Variants in GUCY1A2 observed in about 807,000 individuals in gnomAD.
GUCY1A2 encodes guanylate cyclase soluble subunit alpha-2.
In GUCY1A2, 27 loss-of-function variants were observed where a neutral mutation model predicts 63.5. The observed-to-expected ratio is 0.43, with a 90% CI of 0.31 to 0.59. The LOEUF (loss-of-function observed/expected upper bound fraction) is 0.59, where lower values mean the gene tolerates loss of function less well. Ranked by LOEUF, GUCY1A2 falls within the 20% of genes least tolerant of loss-of-function variation. The pLI, the probability that GUCY1A2 is intolerant of heterozygous loss-of-function variation, is 0.11. For missense variants in GUCY1A2, 768 were observed against 913.3 expected (o/e 0.84, Z 2.05); for synonymous variants, 364 against 343.5 (o/e 1.06, Z -0.66).
intron 6 of GUCY1A2, among the ~76,000 whole-genome samples, chr11:106,769,613 G>A (rs1170943360): frequency 7.2e-5 from 11 of 151,926 alleles, no homozygotes; most frequent in Admixed American, 2.6e-4. Context: ...TAAATCTATC[G>A]GAAAATATAT....
intron 5 of GUCY1A2, among the ~76,000 whole-genome samples, chr11:106,781,128 A>G (rs970985034): frequency 5.4e-5 from 8 of 148,316 alleles, no homozygotes; most frequent in South Asian, 4.5e-4. Context: ...AAAAAAAAAA[A>G]AAAAAGAAAA....
Position 106,760,461 on chromosome 11 carries a change from A to C in GUCY1A2, c.1836+15978T>G, listed in dbSNP as rs1864046846. 2.0e-5 allele frequency among the ~76,000 whole-genome samples: 3 copies of C among 152,318 alleles called. No homozygotes were observed. In the South Asian group the frequency reaches 6.2e-4, roughly 32 times the overall value. ...GGAATGATACATAAAACGATCGTTT[A>C]TGTGAGCATATATTTTTTATAACAG... On this transcript the variant is annotated intron_variant, in intron 6 of 7. Coordinates refer to ENST00000526355, the MANE Select transcript of GUCY1A2 (RefSeq NM_000855.3).
At chr11:106,713,529 C>T (rs1388104151) in intron 6 of GUCY1A2, among the ~76,000 whole-genome samples, 2 of 99,706 alleles carry the variant, frequency 2.0e-5, no homozygotes, top group African/African-American at 4.1e-5. Flanking sequence ...TTTTTTGAGA[C>T]GGAGTCTCGT....
At chr11:106,688,470 T>C (rs2135333595) in intron 7 of GUCY1A2, among the ~76,000 whole-genome samples, 1 of 152,328 alleles carries the variant, frequency 6.6e-6, no homozygotes, top group South Asian at 2.1e-4. Context: ...TCTAAAAGTG[T>C]GGCCCAACAA....
intron 7 of GUCY1A2, among the ~76,000 whole-genome samples, chr11:106,696,146 G>C (rs916771581): frequency 3.3e-5 from 5 of 152,072 alleles, no homozygotes; most frequent in Non-Finnish European, 5.9e-5. Flanking sequence ...TTACATTCTT[G>C]AATTTTAGGA....
intron 6 of GUCY1A2, among the ~76,000 whole-genome samples, chr11:106,709,401 T>A (rs1230593246): frequency 1.0e-5 from 1 of 98,286 alleles, no homozygotes; most frequent in African/African-American, 4.3e-5. Flanking sequence ...ATATAAATTA[T>A]ATATTATACT....
chr11:106,794,957 G>T (rs1864727856), intron 5 of GUCY1A2, among the ~76,000 whole-genome samples: 2 of 152,098 alleles, frequency 1.3e-5, no homozygotes, highest in Non-Finnish European at 2.9e-5. Flanking sequence ...TCCAGATGGA[G>T]TCAATTGCTG....
At chr11:106,890,854 G>A (rs1157206690) in intron 4 of GUCY1A2, among the ~76,000 whole-genome samples, 1 of 152,086 alleles carries the variant, frequency 6.6e-6, no homozygotes, top group African/African-American at 2.4e-5. Context: ...AATATAAATA[G>A]AGAACATTAT....
At chr11:107,015,590 A>C (rs1317015511) in intron 1 of GUCY1A2, among the ~76,000 whole-genome samples, 1 of 144,932 alleles carries the variant, frequency 6.9e-6, no homozygotes, top group Non-Finnish European at 1.5e-5. Context: ...AAAAAAAAAA[A>C]AAAAAAAACC....
intron 5 of GUCY1A2, among the ~76,000 whole-genome samples, chr11:106,800,011 CCA>C (rs1399001540): frequency 6.6e-6 from 1 of 152,120 alleles, no homozygotes; most frequent in East Asian, 1.9e-4. Flanking sequence ...GGGCTAATAT[CCA>C]GAATCTACAA....
chr11:106,708,643 G>A lies in GUCY1A2; in HGVS notation c.1860C>T (p.Gly620=), dbSNP rs1244585540. 5 of 1,607,232 alleles carry A rather than the reference G, an allele frequency of 3.1e-6. No homozygotes were observed. The highest frequency in any genetic ancestry group is 4.3e-6 in the Non-Finnish European group (5 of 1,176,140). The change falls in exon 7 of 8, where the codon GGC becomes GGT. Residue 620 remains glycine (G), a synonymous_variant. Transcript: ENST00000526355. ...CCCCAACAACTCCAGCCAGCACGGA[G>A]CCTGAGTGAATTCCTATCCTCATCT... ...PIQMRIGIHS[G]SVLAGVVGVR...
At chr11:106,859,616 AAAT>A (rs1260808225) in intron 4 of GUCY1A2, among the ~76,000 whole-genome samples, 2 of 152,052 alleles carry the variant, frequency 1.3e-5, no homozygotes, top group Admixed American at 1.3e-4. Flanking sequence ...ATTCTACAAA[AAAT>A]AATGACAATA....
chr11:106,841,835 T>A (rs1859202554), intron 4 of GUCY1A2, among the ~76,000 whole-genome samples: 1 of 151,936 alleles, frequency 6.6e-6, no homozygotes, highest in Non-Finnish European at 1.5e-5. Flanking sequence ...CAAGCACAAA[T>A]GAAACCTTTC....
chr11:106,977,990 A>G (rs1265894282), intron 3 of GUCY1A2, among the ~76,000 whole-genome samples: 1 of 152,236 alleles, frequency 6.6e-6, no homozygotes, highest in African/African-American at 2.4e-5. Flanking sequence ...AACGTCAGGT[A>G]GTATGGTAGT....
At chr11:106,909,719 T>A (rs773517186) in intron 4 of GUCY1A2, among the ~76,000 whole-genome samples, 3 of 152,008 alleles carry the variant, frequency 2.0e-5, no homozygotes, top group Non-Finnish European at 4.4e-5. Context: ...TAGTATTCCA[T>A]CTGGATGTAA....
intron 4 of GUCY1A2, among the ~76,000 whole-genome samples, chr11:106,851,375 T>G (rs1044034352): frequency 6.6e-6 from 1 of 151,936 alleles, no homozygotes; most frequent in Non-Finnish European, 1.5e-5. Context: ...TTTACCTATA[T>G]TTCTTTTTTG....
chr11:106,818,211 T>C lies in GUCY1A2; in HGVS notation c.1207-7733A>G, dbSNP rs138597184. ...TTGCATTGTTTTACAAATTGAAAGT[T>C]TGTGACAACCTTCTGTTGAACAAAT... On this transcript the variant is annotated intron_variant, in intron 4 of 7. Transcript: ENST00000526355. Among the ~76,000 whole-genome samples, 155 of 152,310 alleles carry C rather than the reference T, an allele frequency of 1.0e-3. 1 individual carries two copies. Among genetic ancestry groups the C allele is most frequent in the African/African-American group, 3.5e-3 (145 of 41,574 alleles).
chr11:106,823,980 T>C (rs971271600), intron 4 of GUCY1A2: 1 of 723,578 alleles, frequency 1.4e-6, no homozygotes, highest in Admixed American at 3.1e-5. Flanking sequence ...TTACTGCGCA[T>C]ATAGTTATTG....
At chr11:106,760,667 A>C (rs570031294) in intron 6 of GUCY1A2, among the ~76,000 whole-genome samples, 2 of 152,314 alleles carry the variant, frequency 1.3e-5, no homozygotes, top group South Asian at 4.1e-4. Context: ...TGGTATTTTC[A>C]AAAAATTAAT....
Sources: gnomAD v4.1 joint callset for allele counts (sites outside exome capture counted in the v4.1 genomes callset) on GRCh38, gnomAD v4.1.1 for gene constraint, MANE v1.5 for transcripts, NCBI Gene and HGNC (gene_info 2026-07-23, HGNC 2026-07-21) for gene names.